CNN2: variants seen among roughly 807,000 people sequenced by gnomAD.
The protein encoded by CNN2 is calponin 2.
Under a neutral mutation model 31.0 loss-of-function variants are expected in CNN2, and 21 were observed. That is an observed-to-expected ratio of 0.68 (90% CI 0.48 to 0.98). The LOEUF (loss-of-function observed/expected upper bound fraction) is 0.98, where lower values mean the gene tolerates loss of function less well. CNN2 is among the 50% of genes least tolerant of loss of function. The pLI, the probability that CNN2 is intolerant of heterozygous loss-of-function variation, is 0.00. For missense variants in CNN2, 399 were observed against 427.3 expected (o/e 0.93, Z 0.58); for synonymous variants, 165 against 179.6 (o/e 0.92, Z 0.65).
At chr19:1,030,113 G>A (rs919588561) in intron 1 of CNN2, among the ~76,000 whole-genome samples, 23 of 152,270 alleles carry the variant, frequency 1.5e-4, no homozygotes, top group African/African-American at 5.3e-4. Context: ...TGTCTCCGCG[G>A]TCACTAGTGG....
In CNN2 at chr19:1,037,934, C is replaced by G. The variant is rs959030804; in HGVS notation, c.*34C>G. 1.3e-6 allele frequency: 2 copies of G among 1,511,152 alleles called. No homozygotes were observed. Among genetic ancestry groups the G allele is most frequent in the Non-Finnish European group, 8.8e-7 (1 of 1,130,776 alleles). 93.6% of individuals were successfully genotyped at this position (1,511,152 alleles called of 1,614,324 possible). ...GCACGCTCTCTCCCCACATCGTCTGCCCATCTGGGTTTTTGGGTTTTTCTG... is the reference window on the plus strand; with the variant it reads ...GCACGCTCTCTCCCCACATCGTCTGGCCATCTGGGTTTTTGGGTTTTTCTG... On this transcript the variant is annotated 3_prime_UTR_variant, in exon 7 of 7. Transcript: ENST00000263097.
intron 6 of CNN2, 189 bp from the exon 7 acceptor site, chr19:1,037,436 C>G (rs1226074410): frequency 1.5e-6 from 1 of 687,630 alleles, no homozygotes; most frequent in Non-Finnish European, 2.5e-6. Flanking sequence ...CCACGCCCAG[C>G]TAATTTTGTA....
intron 1 of CNN2, chr19:1,026,983 T>G (rs2039408760): frequency 2.2e-6 from 1 of 451,984 alleles, no homozygotes; most frequent in South Asian, 2.7e-5. Context: ...CTAGGGGTAG[T>G]TGGGTCTGAC....
At position 1,026,896 on chromosome 19, in the gene CNN2, C is replaced by G. The variant is rs1211056717; in HGVS notation, c.63+172C>G. The G allele has an allele frequency of 9.9e-6, 6 of 604,660 alleles. No homozygotes were observed. In the African/African-American group the frequency reaches 1.2e-4, roughly 12 times the overall value. The allele number at this position is 604,660 out of a possible 1,614,324, so 37.5% of individuals were successfully genotyped here. Reference sequence around the variant, plus strand: ...GTGGGGGGATGTCTGCGGGCACCCCCTGAGGCTCCCGCGAATCTTGGGGAG... The same window carrying G: ...GTGGGGGGATGTCTGCGGGCACCCCGTGAGGCTCCCGCGAATCTTGGGGAG... On this transcript the variant is annotated intron_variant, in intron 1 of 6. Coordinates refer to ENST00000263097, the MANE Select transcript of CNN2 (RefSeq NM_004368.4).
chr19:1,032,284 A>G lies in CNN2; in HGVS notation c.186-108A>G, dbSNP rs968548971. The stretch of plus-strand genomic sequence containing the variant: ...AACTGAGGCCCAGAGAGAGGCCGTG[A>G]GTTTGCCCAGGAAGGCGTGAGCTTG... On this transcript the variant is annotated intron_variant, in intron 2 of 6. Transcript: ENST00000263097. 12 of 1,258,866 alleles carry G rather than the reference A, an allele frequency of 9.5e-6. No individual in the cohort carries two copies. In the East Asian group the frequency reaches 2.4e-4, roughly 25 times the overall value. 78.0% of individuals were successfully genotyped at this position (1,258,866 alleles called of 1,614,324 possible).
At chr19:1,035,603 G>A (rs921906634) in intron 4 of CNN2, among the ~76,000 whole-genome samples, 1 of 152,268 alleles carries the variant, frequency 6.6e-6, no homozygotes, top group African/African-American at 2.4e-5. Flanking sequence ...CTGAGCTGTT[G>A]CCTAAGACAA....
chr19:1,027,526 C>T (rs926048411), intron 1 of CNN2, among the ~76,000 whole-genome samples: 1 of 152,230 alleles, frequency 6.6e-6, no homozygotes, highest in African/African-American at 2.4e-5. Flanking sequence ...TAAAAACAAG[C>T]CAGGGCTAGG....
At chr19:1,026,775 C>A in intron 1 of CNN2, 51 bp downstream of exon 1, 1 of 1,526,064 alleles carries the variant, frequency 6.6e-7, no homozygotes, top group Non-Finnish European at 8.8e-7. Context: ...GTCGCACGCT[C>A]CGACCGGTGC....
At position 1,036,361 on chromosome 19, in the gene CNN2, A is replaced by G; in HGVS notation, c.508-55A>G. The G allele has an allele frequency of 5.0e-6, 8 of 1,594,828 alleles. No individual in the cohort carries two copies. In the South Asian group the frequency reaches 6.7e-5, roughly 13 times the overall value. On this transcript the variant is annotated intron_variant, in intron 5 of 6. Transcript: ENST00000263097. ...GCCCTGTGGTCCCTCAATTTCAGGG[A>G]GGGACCGGAAGCTTGTTGGGTGCAG...
intron 6 of CNN2, chr19:1,037,408 G>T: frequency 1.7e-6 from 1 of 574,614 alleles, no homozygotes; most frequent in Admixed American, 3.1e-5. Flanking sequence ...GAGTAGCTGG[G>T]ATTACAGGCA....
chr19:1,036,328 G>C, intron 5 of CNN2, 82 bp downstream of exon 5: 4 of 1,575,324 alleles, frequency 2.5e-6, no homozygotes, highest in Non-Finnish European at 3.5e-6. Flanking sequence ...GGGGGACAGC[G>C]GCATGGAGCC....
intron 5 of CNN2, 41 bp downstream of exon 5, chr19:1,036,287 G>T (rs2039582961): frequency 1.3e-6 from 2 of 1,566,382 alleles, no homozygotes; most frequent in Non-Finnish European, 8.7e-7. Context: ...CACGGCATTG[G>T]GGGACCACGG....
intron 1 of CNN2, among the ~76,000 whole-genome samples, chr19:1,028,417 A>G (rs1356716620): frequency 6.6e-6 from 1 of 152,042 alleles, no homozygotes; most frequent in African/African-American, 2.4e-5. Context: ...GTCGCCTCCC[A>G]ATTAGAAACC....
At chr19:1,027,094 G>A (rs1176503485) in intron 1 of CNN2, 1 of 203,400 alleles carries the variant, frequency 4.9e-6, no homozygotes, top group Non-Finnish European at 1.0e-5. Context: ...CGCTCTGGGG[G>A]TCTGGGGGGG....
chr19:1,030,987 GC>G, intron 1 of CNN2, 83 bp from the exon 2 acceptor site: 1 of 1,495,218 alleles, frequency 6.7e-7, no homozygotes, highest in Non-Finnish European at 9.0e-7. Context: ...GGAGTCCCCG[GC>G]CCCACCCTCT....
At chr19:1,035,440 G>A (rs2039565683) in intron 4 of CNN2, among the ~76,000 whole-genome samples, 1 of 152,136 alleles carries the variant, frequency 6.6e-6, no homozygotes, top group Non-Finnish European at 1.5e-5. Flanking sequence ...GGTGGTCAGG[G>A]AGGAGCCGGG....
rs1351133441 is a variant in CNN2 at position 1,032,271 on chromosome 19, G to C, written c.186-121G>C. ...AAAAAAGAGTGGAAACTGAGGCCCAGAGAGAGGCCGTGAGTTTGCCCAGGA... is the reference window on the plus strand; with the variant it reads ...AAAAAAGAGTGGAAACTGAGGCCCACAGAGAGGCCGTGAGTTTGCCCAGGA... On this transcript the variant is annotated intron_variant, in intron 2 of 6. Transcript: ENST00000263097. The C allele has an allele frequency of 3.6e-6, 4 of 1,115,318 alleles. No homozygotes were observed. The East Asian group carries it at 9.6e-5, about 27-fold the overall frequency. 69.1% of individuals were successfully genotyped at this position (1,115,318 alleles called of 1,614,324 possible).
intron 1 of CNN2, 120 bp downstream of exon 1, chr19:1,026,844 A>T (rs1036373956): frequency 2.9e-4 from 285 of 986,678 alleles, no homozygotes; most frequent in Non-Finnish European, 3.8e-4. Flanking sequence ...CCCGGGGCGG[A>T]CGGGCCCTTG....
rs375001580 is a variant in CNN2, at chr19:1,032,575, A to G, written c.269A>G (p.Asn90Ser). The G allele has an allele frequency of 3.1e-6, 5 of 1,613,236 alleles. No homozygotes were observed. The highest frequency in any genetic ancestry group is 1.7e-5 in the Admixed American group (1 of 60,006). ...QNWHQLENLS[N>S]FIKAMVSYGM... ...TCTTCCCAGCTAGAAAACCTGTCCAACTTCATCAAGGCCATGGTCAGCTAC... is the reference window on the plus strand; with the variant it reads ...TCTTCCCAGCTAGAAAACCTGTCCAGCTTCATCAAGGCCATGGTCAGCTAC... The change falls in exon 4 of 7, where the codon AAC becomes AGC. Residue 90 changes from asparagine (N) to serine (S), a missense_variant. Coordinates refer to ENST00000263097, the MANE Select transcript of CNN2 (RefSeq NM_004368.4).
Sources: gnomAD v4.1 joint callset for allele counts (sites outside exome capture counted in the v4.1 genomes callset) on GRCh38, gnomAD v4.1.1 for gene constraint, MANE v1.5 for transcripts, NCBI Gene and HGNC (gene_info 2026-07-23, HGNC 2026-07-21) for gene names.